Variants in KCNQ1 observed in about 807,000 individuals in gnomAD.
KCNQ1 encodes the protein potassium voltage-gated channel subfamily Q member 1.
Under a neutral mutation model 72.4 loss-of-function variants are expected in KCNQ1, and 49 were observed. The ratio of observed to expected loss-of-function variants is 0.68; its 90% CI spans 0.54 to 0.86. The LOEUF (loss-of-function observed/expected upper bound fraction) is 0.86. Among genes scored for constraint, KCNQ1 ranks in the 40% least tolerant of loss-of-function variants. KCNQ1 has a pLI of 0.00. For synonymous variants in KCNQ1, 450 were observed against 412.6 expected, an observed-to-expected ratio of 1.09 and a Z score of -1.10; for missense variants, 790 against 945.1, an observed-to-expected ratio of 0.84 and a Z score of 2.15.
chr11:2,653,793 A>G lies in KCNQ1; in HGVS notation c.1394-8168A>G, dbSNP rs191891791. 1.2e-4 allele frequency: 49 copies of G among 398,562 alleles called. No individual in the cohort carries two copies. Among genetic ancestry groups the G allele is most frequent in the African/African-American group, 9.6e-4 (47 of 48,732 alleles). The allele number at this position is 398,562 out of a possible 1,614,324, so 24.7% of individuals were successfully genotyped here. On this transcript the variant is annotated intron_variant, in intron 10 of 15. Coordinates refer to ENST00000155840, the MANE Select transcript of KCNQ1 (RefSeq NM_000218.3). The surrounding 1 kb of genome is among the most constrained non-coding windows in gnomAD (Gnocchi z 5.3). Reference sequence around the variant, plus strand: ...AAGCCATCCTTGGACCTGCAGCTGTACCTCCGATGGCTGAGGCAAGGTCCA... The same window carrying G: ...AAGCCATCCTTGGACCTGCAGCTGTGCCTCCGATGGCTGAGGCAAGGTCCA...
At chr11:2,730,958 C>T (rs1001284986) in intron 11 of KCNQ1, among the ~76,000 whole-genome samples, 1 of 152,222 alleles carries the variant, frequency 6.6e-6, no homozygotes, top group Admixed American at 6.5e-5. Context: ...CCGGCCCAGC[C>T]TCCTCCCAGC....
At position 2,488,651 on chromosome 11, in the gene KCNQ1, A is replaced by C. The variant is rs1052990337; in HGVS notation, c.387-39277A>C. ...AATTTGTTGATACACAATTGTTCAC[A>C]ATACTCTCTTATAATCCTTTTTATT... On this transcript the variant is annotated intron_variant, in intron 1 of 15. Coordinates refer to ENST00000155840, the MANE Select transcript of KCNQ1 (RefSeq NM_000218.3). The surrounding 1 kb of genome is among the most constrained non-coding windows in gnomAD (Gnocchi z 5.1). Among the ~76,000 whole-genome samples the C allele has an allele frequency of 6.6e-6, 1 of 152,230 alleles. No individual in the cohort carries two copies. The highest frequency in any genetic ancestry group is 2.4e-5 in the African/African-American group (1 of 41,468).
intron 11 of KCNQ1, chr11:2,685,361 C>T (rs1850468126): frequency 2.5e-6 from 1 of 398,678 alleles, no homozygotes; most frequent in South Asian, 1.3e-4. Flanking sequence ...TGGGCAGGTA[C>T]CATCTCTGCC....
intron 11 of KCNQ1, among the ~76,000 whole-genome samples, chr11:2,719,462 G>A (rs1420587566): frequency 5.9e-5 from 9 of 151,618 alleles, no homozygotes; most frequent in South Asian, 2.1e-4. Flanking sequence ...TGTGATTGAC[G>A]TGTTGACCAG....
Position 2,653,240 on chromosome 11 carries a change from C to G in KCNQ1, c.1394-8721C>G. 5.0e-6 allele frequency: 2 copies of G among 398,770 alleles called. No individual in the cohort carries two copies. The highest frequency in any genetic ancestry group is 8.8e-5 in the Admixed American group (2 of 22,746). 24.7% of individuals were successfully genotyped at this position (398,770 alleles called of 1,614,324 possible). On this transcript the variant is annotated intron_variant, in intron 10 of 15. Transcript: ENST00000155840. This position sits in a 1 kb window ranked among gnomAD's most constrained non-coding sequence, Gnocchi z 5.3. ...CCTTGGCCTCAGGCCAGCTTCTTTC[C>G]CACAAGCCTTCTCCCTGCCCTCTGC...
At position 2,775,999 on chromosome 11, in the gene KCNQ1, C is replaced by G. The variant is rs1258010655; in HGVS notation, c.1630C>G (p.Gln544Glu). Residue 544 changes from glutamine to glutamate, a missense_variant, in exon 13 of 16, where the codon CAG becomes GAG. Coordinates refer to ENST00000155840, the MANE Select transcript of KCNQ1 (RefSeq NM_000218.3). Reference protein sequence around the residue: ...KPYDVRDVIEQYSQGHLNLMV... With the variant: ...KPYDVRDVIEEYSQGHLNLMV... The stretch of plus-strand genomic sequence containing the variant: ...TTACGATGTGCGGGACGTCATTGAG[C>G]AGTACTCGCAGGGCCACCTCAACCT... The G allele has an allele frequency of 1.3e-6, 2 of 1,572,654 alleles. No individual in the cohort carries two copies. Among genetic ancestry groups the G allele is most frequent in the South Asian group, 1.2e-5 (1 of 85,392 alleles).
At chr11:2,540,176 C>T (rs1456250186) in intron 2 of KCNQ1, among the ~76,000 whole-genome samples, 1 of 152,168 alleles carries the variant, frequency 6.6e-6, no homozygotes, top group Non-Finnish European at 1.5e-5. Flanking sequence ...CCTGAGGTCT[C>T]CTCTGACGCT....
At chr11:2,835,092 T>G (rs940610797) in intron 15 of KCNQ1, among the ~76,000 whole-genome samples, 1 of 152,096 alleles carries the variant, frequency 6.6e-6, no homozygotes, top group Non-Finnish European at 1.5e-5. Flanking sequence ...GCCCGGGGGC[T>G]GGGGGCTGCC....
At chr11:2,542,618 G>A (rs1309344525) in intron 2 of KCNQ1, among the ~76,000 whole-genome samples, 1 of 152,190 alleles carries the variant, frequency 6.6e-6, no homozygotes, top group Non-Finnish European at 1.5e-5. Flanking sequence ...CCCCTCCTCC[G>A]CTGCTCCTGG....
chr11:2,825,438 G>A (rs1388292986), intron 15 of KCNQ1, among the ~76,000 whole-genome samples: 5 of 151,544 alleles, frequency 3.3e-5, no homozygotes, highest in East Asian at 4.2e-4. Flanking sequence ...AGCACCACGC[G>A]GGGGGGTAGG....
intron 1 of KCNQ1, among the ~76,000 whole-genome samples, chr11:2,511,085 G>A (rs1366606818): frequency 6.6e-6 from 1 of 152,176 alleles, no homozygotes; most frequent in Admixed American, 6.5e-5. Flanking sequence ...CCCTGTGTCT[G>A]TTATCTGTCT....
Position 2,777,717 on chromosome 11 carries a change from C to T in KCNQ1, c.1733-259C>T. 3 of 603,040 alleles carry T rather than the reference C, an allele frequency of 5.0e-6. No individual in the cohort carries two copies. The South Asian group carries it at 5.9e-5, about 12-fold the overall frequency. 37.4% of individuals were successfully genotyped at this position (603,040 alleles called of 1,614,324 possible). A position where few individuals can be genotyped will look rare whatever the true frequency, so the allele number is the denominator to read the frequency against. On this transcript the variant is annotated intron_variant, in intron 14 of 15. Transcript: ENST00000155840. ...CTGGCAGTGTGGCCAGCTTAGGCAG[C>T]CCCCTAGGGCTCTCAGAGGTCAGAG...
intron 10 of KCNQ1, chr11:2,618,597 A>G (rs910944118): frequency 2.5e-6 from 1 of 398,582 alleles, no homozygotes; most frequent in African/African-American, 2.1e-5. Flanking sequence ...TGTTTGATCA[A>G]TAGTTTTGTA....
Position 2,676,071 on chromosome 11 carries a change from A to G in KCNQ1, c.1514+13990A>G, listed in dbSNP as rs985542959. The G allele has an allele frequency of 2.0e-5, 8 of 398,572 alleles. No individual in the cohort carries two copies. Among genetic ancestry groups the G allele is most frequent in the Admixed American group, 8.8e-5 (2 of 22,728 alleles). 24.7% of individuals were successfully genotyped at this position (398,572 alleles called of 1,614,324 possible). A position where few individuals can be genotyped will look rare whatever the true frequency, so the allele number is the denominator to read the frequency against. On this transcript the variant is annotated intron_variant, in intron 11 of 15. Transcript: ENST00000155840. The surrounding 1 kb of genome is among the most constrained non-coding windows in gnomAD (Gnocchi z 4.2). ...GCATCTTTCCAGACGTATTTTATATAAACAAATATACGTGTGTCTGTGTGT... is the reference window on the plus strand; with the variant it reads ...GCATCTTTCCAGACGTATTTTATATGAACAAATATACGTGTGTCTGTGTGT...
At chr11:2,456,832 G>C (rs1479514138) in intron 1 of KCNQ1, among the ~76,000 whole-genome samples, 23 of 148,140 alleles carry the variant, frequency 1.6e-4, no homozygotes, top group Non-Finnish European at 3.0e-5. Flanking sequence ...CCAGCTACTC[G>C]GGAGGCTGAG....
At chr11:2,697,024 A>G (rs1224005902) in intron 11 of KCNQ1, 6 of 398,370 alleles carry the variant, frequency 1.5e-5, no homozygotes, top group Non-Finnish European at 2.7e-5. Flanking sequence ...GGGATTCCAG[A>G]GAGCCCCCCA....
At position 2,653,502 on chromosome 11, in the gene KCNQ1, G is replaced by C; in HGVS notation, c.1394-8459G>C. ...TCAGACACAGCTGGACCCCAGAGCT[G>C]AGATGATCTTGCTCACTTGCTCTCA... On this transcript the variant is annotated intron_variant, in intron 10 of 15. Transcript: ENST00000155840. This position sits in a 1 kb window ranked among gnomAD's most constrained non-coding sequence, Gnocchi z 5.3. 1 of 398,682 alleles carries C rather than the reference G, an allele frequency of 2.5e-6. No individual in the cohort carries two copies. Among genetic ancestry groups the C allele is most frequent in the Non-Finnish European group, 4.4e-6 (1 of 226,136 alleles). 24.7% of individuals were successfully genotyped at this position (398,682 alleles called of 1,614,324 possible).
chr11:2,560,704 C>A (rs888578396), intron 2 of KCNQ1, among the ~76,000 whole-genome samples: 1 of 152,082 alleles, frequency 6.6e-6, no homozygotes, highest in African/African-American at 2.4e-5. Context: ...ACACACCTGT[C>A]CCCTGCCTGA....
Position 2,456,894 on chromosome 11 carries a change from A to G in KCNQ1, c.386+11410A>G, listed in dbSNP as rs535833066. The stretch of plus-strand genomic sequence containing the variant: ...ACGGAGCTTGCAGTAAGCCGAGATC[A>G]CGCCACTGCACTCCAGCCTGGGTGA... On this transcript the variant is annotated intron_variant, in intron 1 of 15. Transcript: ENST00000155840. Among the ~76,000 whole-genome samples the G allele has an allele frequency of 3.5e-4, 52 of 147,162 alleles. 1 individual carries two copies. The highest frequency in any genetic ancestry group is 3.5e-3 in the Middle Eastern group (1 of 286).
Sources: allele counts gnomAD v4.1 joint callset (sites outside exome capture counted in the v4.1 genomes callset), GRCh38; gene constraint gnomAD v4.1.1; non-coding constraint Gnocchi (gnomAD v3.1); transcripts MANE v1.5; gene names NCBI Gene and HGNC (gene_info 2026-07-23, HGNC 2026-07-21).